The following GALNT15 variants were observed in gnomAD, a reference collection of about 807,000 sequenced individuals.
GALNT15 encodes the protein UDP-GalNAc transferase T15.
In GALNT15, 67 loss-of-function variants were observed where a neutral mutation model predicts 66.8. The ratio of observed to expected loss-of-function variants is 1.00; its 90% CI spans 0.82 to 1.23. The LOEUF (loss-of-function observed/expected upper bound fraction) is 1.23, where lower values mean the gene tolerates loss of function less well. Ranked by LOEUF, GALNT15 falls within the 50% of genes most tolerant of loss-of-function variation. GALNT15 has a pLI of 0.00. For synonymous variants in GALNT15, 313 were observed against 311.5 expected (o/e 1.00, Z -0.05); for missense variants, 827 against 804.3 (o/e 1.03, Z -0.34).
Position 16,227,645 on chromosome 3 carries a change from T to C in GALNT15, c.*145T>C, listed in dbSNP as rs1356506646. The C allele has an allele frequency of 6.7e-7, 1 of 1,483,052 alleles. No individual in the cohort carries two copies. Among genetic ancestry groups the C allele is most frequent in the African/African-American group, 1.4e-5 (1 of 69,918 alleles). The allele number at this position is 1,483,052 out of a possible 1,614,324, so 91.9% of individuals were successfully genotyped here. A position where few individuals can be genotyped will look rare whatever the true frequency, so the allele number is the denominator to read the frequency against. On this transcript the variant is annotated 3_prime_UTR_variant, in exon 10 of 10. Transcript: ENST00000339732. The surrounding 1 kb of genome is among the most constrained non-coding windows in gnomAD (Gnocchi z 4.5). ...GAGAAAAAAGCTCTATGAAAGAATA[T>C]AGGAAGTTTCTCCTTTTCACACCTT... is the stretch of plus-strand genomic sequence containing the variant.
intron 4 of GALNT15, among the ~76,000 whole-genome samples, chr3:16,210,458 T>C (rs920090676): frequency 3.3e-5 from 5 of 152,236 alleles, no homozygotes; most frequent in African/African-American, 1.2e-4. Context: ...AGAGTTTGGC[T>C]GCATTCAAAT....
chr3:16,236,504 C>T (rs531975109), downstream of GALNT15, among the ~76,000 whole-genome samples: 58 of 152,324 alleles, frequency 3.8e-4, no homozygotes, highest in Admixed American at 3.1e-3. Context: ...AGTTTGCCAC[C>T]CCCTGGACTA....
Position 16,183,349 on chromosome 3 carries a change from C to T in GALNT15, c.539+7659C>T, listed in dbSNP as rs1178713428. ...CTCAGCTCCAGGCTGTGTCCCAGCC[C>T]TAGCAGCCTCAGGCCTGGCCTAGAA... is the stretch of plus-strand genomic sequence containing the variant. On this transcript the variant is annotated intron_variant, in intron 1 of 9. Coordinates refer to ENST00000339732, the MANE Select transcript of GALNT15 (RefSeq NM_054110.5). The surrounding 1 kb of genome is among the most constrained non-coding windows in gnomAD (Gnocchi z 5.2). 2.0e-5 allele frequency: 3 copies of T among 152,230 alleles called. No homozygotes were observed. Among genetic ancestry groups the T allele is most frequent in the African/African-American group, 7.2e-5 (3 of 41,452 alleles). 9.4% of individuals were successfully genotyped at this position (152,230 alleles called of 1,614,324 possible). A position where few individuals can be genotyped will look rare whatever the true frequency, so the allele number is the denominator to read the frequency against.
intron 4 of GALNT15, among the ~76,000 whole-genome samples, chr3:16,210,685 G>C (rs1174675864): frequency 6.6e-6 from 1 of 152,230 alleles, no homozygotes; most frequent in Non-Finnish European, 1.5e-5. Context: ...GAAGAGGGTG[G>C]ATGGTCATTA....
intron 9 of GALNT15, among the ~76,000 whole-genome samples, chr3:16,223,049 C>T (rs2063964253): frequency 6.6e-6 from 1 of 152,048 alleles, no homozygotes; most frequent in Non-Finnish European, 1.5e-5. Context: ...TGGCTCAGTT[C>T]ACAAGTAGGA....
downstream of GALNT15, among the ~76,000 whole-genome samples, chr3:16,232,758 G>A (rs1004718531): frequency 1.3e-5 from 2 of 151,546 alleles, no homozygotes; most frequent in Non-Finnish European, 2.9e-5. Flanking sequence ...GAGACAACCG[G>A]AAATGATTTT....
At chr3:16,232,485 TATATATATATATATATATATATA>T (rs2064093490), downstream of GALNT15, among the ~76,000 whole-genome samples, 1 of 65,166 alleles carries the variant, frequency 1.5e-5, no homozygotes, top group African/African-American at 7.8e-5. Flanking sequence ...TATATATATA[TATATATATATATATATATATATA>T]TATTTATTTA....
Position 16,219,513 on chromosome 3 carries a change from C to G in GALNT15, c.1503C>G (p.Pro501=). The change falls in exon 7 of 10, where the codon CCC becomes CCG. Residue 501 remains proline, a synonymous_variant. Coordinates refer to ENST00000339732, the MANE Select transcript of GALNT15 (RefSeq NM_054110.5). This position sits in a 1 kb window ranked among gnomAD's most constrained non-coding sequence, Gnocchi z 4.3. The part of the protein sequence containing the change: ...NVYPELYPSE[P]RPSFSGKLHN... ...ACCCTGAGCTGTACCCATCTGAACCCAGGCCCAGTTTCTCTGGAAAGGCAA... is the reference window on the plus strand; with the variant it reads ...ACCCTGAGCTGTACCCATCTGAACCGAGGCCCAGTTTCTCTGGAAAGGCAA... The G allele has an allele frequency of 1.9e-6, 3 of 1,614,156 alleles. No individual in the cohort carries two copies. The highest frequency in any genetic ancestry group is 1.1e-5 in the South Asian group (1 of 91,068).
chr3:16,197,183 G>A (rs941089418), intron 2 of GALNT15, among the ~76,000 whole-genome samples: 7 of 152,302 alleles, frequency 4.6e-5, no homozygotes, highest in Admixed American at 3.3e-4. Context: ...GCTGTGTTAC[G>A]TCTGTGCCCC....
chr3:16,197,164 A>G (rs2063647621), intron 2 of GALNT15, among the ~76,000 whole-genome samples: 1 of 152,194 alleles, frequency 6.6e-6, no homozygotes, highest in Non-Finnish European at 1.5e-5. Context: ...GGCCCCCACC[A>G]TCTGATGAGC....
intron 6 of GALNT15, among the ~76,000 whole-genome samples, chr3:16,217,384 G>T (rs905946): frequency 0.71 from 108,129 of 152,080 alleles, 38,950 homozygotes; most frequent in East Asian, 0.8. Flanking sequence ...TTCTCTCTCT[G>T]TTGAGCATTT....
In GALNT15 at chr3:16,219,196, G is replaced by C. The variant is rs2063913900; in HGVS notation, c.1393-207G>C. Among the ~76,000 whole-genome samples the C allele has an allele frequency of 6.6e-6, 1 of 152,146 alleles. No individual in the cohort carries two copies. Among genetic ancestry groups the C allele is most frequent in the African/African-American group, 2.4e-5 (1 of 41,428 alleles). ...AGTCTTGCTGGTTCCACAACTCTCT[G>C]TAGGGAAGATCTGTGCTATTCTATC... On this transcript the variant is annotated intron_variant, in intron 6 of 9. Transcript: ENST00000339732. This position sits in a 1 kb window ranked among gnomAD's most constrained non-coding sequence, Gnocchi z 4.3.
Position 16,200,810 on chromosome 3 carries a change from A to G in GALNT15, c.898A>G (p.Ile300Val), listed in dbSNP as rs150729824. 39 of 1,607,012 alleles carry G rather than the reference A, an allele frequency of 2.4e-5. No homozygotes were observed. The African/African-American group carries it at 4.7e-4, about 19-fold the overall frequency. ...PGWLEPLLSR[I>V]AGDRSRVVSP... ...CTGGCTGGAGCCCCTCCTCAGCAGA[A>G]TAGCTGGTGACAGGTAACTTATTCC... Residue 300 changes from isoleucine to valine, a missense_variant, in exon 3 of 10, where the codon ATA (isoleucine) becomes GTA (valine). Physicochemically the swap from Ile to Val is conservative, Grantham distance 29. Transcript: ENST00000339732. The surrounding 1 kb of genome is among the most constrained non-coding windows in gnomAD (Gnocchi z 4.4).
chr3:16,228,621 A>T lies in GALNT15; in HGVS notation c.*1121A>T. Reference sequence around the variant, plus strand: ...ATGCCATTGCACTCCAACCTGGGTGACAGAGTGAGACTCCATCTCAAAAAA... The same window carrying T: ...ATGCCATTGCACTCCAACCTGGGTGTCAGAGTGAGACTCCATCTCAAAAAA... On this transcript the variant is annotated 3_prime_UTR_variant, in exon 10 of 10. Transcript: ENST00000339732. The T allele has an allele frequency of 1.0e-6, 1 of 965,278 alleles. No homozygotes were observed. Among genetic ancestry groups the T allele is most frequent in the Non-Finnish European group, 1.2e-6 (1 of 821,244 alleles). 59.8% of individuals were successfully genotyped at this position (965,278 alleles called of 1,614,324 possible). A position where few individuals can be genotyped will look rare whatever the true frequency, so the allele number is the denominator to read the frequency against.
chr3:16,194,530 T>G (rs929636578), intron 1 of GALNT15, among the ~76,000 whole-genome samples: 4 of 152,208 alleles, frequency 2.6e-5, no homozygotes, highest in African/African-American at 9.7e-5. Flanking sequence ...GAAGTGCACA[T>G]GTATGTTTGT....
At chr3:16,192,713 T>C (rs914292763) in intron 1 of GALNT15, among the ~76,000 whole-genome samples, 1 of 152,216 alleles carries the variant, frequency 6.6e-6, no homozygotes, top group Non-Finnish European at 1.5e-5. Context: ...GCAAAGACTA[T>C]GCATGTGCTG....
Position 16,228,547 on chromosome 3 carries a change from A to C in GALNT15, c.*1047A>C, listed in dbSNP as rs188197823. On this transcript the variant is annotated 3_prime_UTR_variant, in exon 10 of 10. Transcript: ENST00000339732. ...TCCCAGCTACTTGGGAGGCTGAGGC[A>C]AGAGAATCGCTTGAACCCAGGAGGC... 1.7e-3 allele frequency: 1,166 copies of C among 697,590 alleles called. 2 individuals carry two copies. Among genetic ancestry groups the C allele is most frequent in the Non-Finnish European group, 2.0e-3 (1,113 of 568,104 alleles). The allele number at this position is 697,590 out of a possible 1,614,324, so 43.2% of individuals were successfully genotyped here. A position where few individuals can be genotyped will look rare whatever the true frequency, so the allele number is the denominator to read the frequency against.
At chr3:16,207,818 T>C (rs1400365896) in intron 3 of GALNT15, among the ~76,000 whole-genome samples, 1 of 152,132 alleles carries the variant, frequency 6.6e-6, no homozygotes, top group Non-Finnish European at 1.5e-5. Context: ...TGGCCCATAG[T>C]TTTCCCCTGA....
At position 16,227,059 on chromosome 3, in the gene GALNT15, A is replaced by T. The variant is rs900145873; in HGVS notation, c.1774-295A>T. Among the ~76,000 whole-genome samples, 7 of 152,262 alleles carry T rather than the reference A, an allele frequency of 4.6e-5. No homozygotes were observed. The highest frequency in any genetic ancestry group is 4.6e-4 in the Admixed American group (7 of 15,288). ...ACAATGAATGTCACAAATACAGCAT[A>T]AAGACTGAACATGCTCTGGGAATTA... is the stretch of plus-strand genomic sequence containing the variant. On this transcript the variant is annotated intron_variant, in intron 9 of 9. Transcript: ENST00000339732. This position sits in a 1 kb window ranked among gnomAD's most constrained non-coding sequence, Gnocchi z 4.5.
Sources: gnomAD v4.1 joint callset for allele counts (sites outside exome capture counted in the v4.1 genomes callset) on GRCh38, gnomAD v4.1.1 for gene constraint, Gnocchi (gnomAD v3.1) non-coding constraint, MANE v1.5 for transcripts, NCBI Gene and HGNC (gene_info 2026-07-23, HGNC 2026-07-21) for gene names.